The following CDC27 variants were observed in gnomAD, a reference collection of about 807,000 sequenced individuals.
CDC27 encodes the protein cell division cycle 27.
A neutral mutation model predicts 109.7 loss-of-function variants in CDC27; 27 were observed. The ratio of observed to expected loss-of-function variants is 0.25; its 90% CI spans 0.18 to 0.34. The LOEUF (loss-of-function observed/expected upper bound fraction) is 0.34. Among genes scored for constraint, CDC27 ranks in the 10% least tolerant of loss-of-function variants. CDC27 has a pLI of 1.00. For missense variants in CDC27, 579 were observed against 960.2 expected, an observed-to-expected ratio of 0.60 and a Z score of 5.25; for synonymous variants, 266 against 333.9, an observed-to-expected ratio of 0.80 and a Z score of 2.22.
intron 1 of CDC27, among the ~76,000 whole-genome samples, chr17:47,187,339 C>T (rs1267782218): frequency 6.6e-6 from 1 of 151,988 alleles, no homozygotes; most frequent in African/African-American, 2.4e-5. Flanking sequence ...CTCACTCTGT[C>T]GCCCAGGCTG....
At position 47,147,424 on chromosome 17, in the gene CDC27, C is replaced by CA. The variant is rs748165922; in HGVS notation, c.1071-3443dup. 2.6e-3 allele frequency among the ~76,000 whole-genome samples: 251 copies of CA among 96,750 alleles called. No individual in the cohort carries two copies. The Middle Eastern group carries it at 0.027, about 11-fold the overall frequency. The allele number at this position is 96,750 out of a possible 152,430, so 63.5% of individuals were successfully genotyped here. On this transcript the variant is annotated intron_variant, in intron 9 of 18. Coordinates refer to ENST00000066544, the MANE Select transcript of CDC27 (RefSeq NM_001256.6). ...AAAAACAAACAAACAAACAAACAAACAAACAAAAAAAAAAACACTAGGCAT... is the reference window on the plus strand; with the variant it reads ...AAAAACAAACAAACAAACAAACAAACAAAACAAAAAAAAAAACACTAGGCAT...
chr17:47,138,476 C>T (rs1272752530), intron 13 of CDC27, among the ~76,000 whole-genome samples: 1 of 152,144 alleles, frequency 6.6e-6, no homozygotes, highest in African/African-American at 2.4e-5. Flanking sequence ...GAACCCTAAT[C>T]TTGGTGACAA....
chr17:47,138,377 T>C (rs11570540), intron 13 of CDC27, among the ~76,000 whole-genome samples: 3,725 of 152,336 alleles, frequency 0.024, 54 homozygotes, highest in Middle Eastern at 0.075. Context: ...AGCATGTACA[T>C]TAATTGCACC....
intron 16 of CDC27, among the ~76,000 whole-genome samples, chr17:47,125,908 T>C (rs1209066526): frequency 6.6e-6 from 1 of 152,200 alleles, no homozygotes; most frequent in East Asian, 1.9e-4. Context: ...ACACACACAA[T>C]TCAGAATTGA....
At chr17:47,132,457 A>C in intron 14 of CDC27, 83 bp from the exon 15 acceptor site, 1 of 570,600 alleles carries the variant, frequency 1.8e-6, no homozygotes, top group East Asian at 3.2e-5. Flanking sequence ...GAACAAGTAT[A>C]GAATCTGGCA....
chr17:47,182,619 G>A (rs867032658), intron 1 of CDC27, among the ~76,000 whole-genome samples: 6 of 152,104 alleles, frequency 3.9e-5, no homozygotes, highest in East Asian at 1.9e-4. Flanking sequence ...ATTCTGCTAC[G>A]ATTTGCTTTT....
At chr17:47,130,987 A>G (rs527397359) in intron 15 of CDC27, among the ~76,000 whole-genome samples, 2 of 152,250 alleles carry the variant, frequency 1.3e-5, no homozygotes, top group East Asian at 3.9e-4. Context: ...GGTAGTGCCA[A>G]CGTCTGCTTG....
intron 16 of CDC27, 57 bp downstream of exon 16, chr17:47,129,336 G>A: frequency 8.1e-7 from 1 of 1,235,646 alleles, no homozygotes; most frequent in Non-Finnish European, 1.1e-6. Flanking sequence ...TGAAAACAAG[G>A]GATAACGTTG....
chr17:47,159,940 G>A, intron 4 of CDC27: 1 of 355,876 alleles, frequency 2.8e-6, no homozygotes, highest in Non-Finnish European at 5.4e-6. Flanking sequence ...CGTGGCCTCG[G>A]TCCCGGCCCC....
At chr17:47,129,220 A>G (rs910086189) in intron 16 of CDC27, among the ~76,000 whole-genome samples, 173 bp downstream of exon 16, 1 of 152,216 alleles carries the variant, frequency 6.6e-6, no homozygotes, top group Non-Finnish European at 1.5e-5. Context: ...CCACACACCT[A>G]TCCTTCCTAT....
rs781023793 is a variant in CDC27 at position 47,137,343 on chromosome 17, C to T, written c.1722G>A (p.Gly574=). Residue 574 remains glycine, a synonymous_variant, in exon 14 of 19, where the codon GGG becomes GGA. Coordinates refer to ENST00000066544, the MANE Select transcript of CDC27 (RefSeq NM_001256.6). ...GTTCCCGTTGCAGACTGAAACAGTT[C>T]CCTGCAGCACACCAGGCCTTAAAAA... The part of the protein sequence containing the change: ...KNSPEAWCAA[G]NCFSLQREHD... The T allele has an allele frequency of 1.9e-6, 3 of 1,594,152 alleles. No homozygotes were observed. The highest frequency in any genetic ancestry group is 2.6e-6 in the Non-Finnish European group (3 of 1,171,714).
intron 4 of CDC27, among the ~76,000 whole-genome samples, chr17:47,167,879 G>A (rs1430094096): frequency 6.6e-6 from 1 of 152,170 alleles, no homozygotes; most frequent in Non-Finnish European, 1.5e-5. Context: ...TGGGCCTAAG[G>A]AACTTCTGAT....
chr17:47,122,192 C>A (rs1401584554), intron 18 of CDC27, among the ~76,000 whole-genome samples: 1 of 151,688 alleles, frequency 6.6e-6, no homozygotes. Flanking sequence ...CATATTCAAA[C>A]ATAAATTGAG....
chr17:47,177,406 A>G (rs1956817688), intron 2 of CDC27, among the ~76,000 whole-genome samples: 2 of 152,188 alleles, frequency 1.3e-5, no homozygotes, highest in Admixed American at 1.3e-4. Flanking sequence ...GTGAAACTCC[A>G]TCTCTACTAA....
chr17:47,157,926 A>G (rs1007201880), intron 5 of CDC27, among the ~76,000 whole-genome samples: 30 of 152,336 alleles, frequency 2.0e-4, no homozygotes, highest in African/African-American at 6.7e-4. Flanking sequence ...CAATTTTGCT[A>G]GTGTTAAACA....
At chr17:47,132,398 A>G in intron 14 of CDC27, 24 bp from the exon 15 acceptor site, 1 of 1,147,070 alleles carries the variant, frequency 8.7e-7, no homozygotes, top group Non-Finnish European at 1.3e-6. Flanking sequence ...ACAAAGTATA[A>G]TTTTAAAAAT....
At chr17:47,188,787 G>A in intron 1 of CDC27, 2 of 1,148,348 alleles carry the variant, frequency 1.7e-6, no homozygotes, top group South Asian at 2.9e-5. Context: ...TGTGCTTCTC[G>A]ATCATCTTTT....
intron 8 of CDC27, 131 bp from the exon 9 acceptor site, chr17:47,152,049 CTATT>C: frequency 3.4e-6 from 2 of 585,934 alleles, no homozygotes; most frequent in Non-Finnish European, 5.3e-6. Context: ...TAAAGATAAA[CTATT>C]TATATCATAT....
intron 3 of CDC27, among the ~76,000 whole-genome samples, chr17:47,171,658 T>C (rs190362959): frequency 2.4e-4 from 36 of 151,638 alleles, no homozygotes; most frequent in African/African-American, 7.3e-4. Context: ...AACGAAATAT[T>C]TGTGATCATT....
Sources: gnomAD v4.1 joint callset for allele counts (sites outside exome capture counted in the v4.1 genomes callset) on GRCh38, gnomAD v4.1.1 for gene constraint, MANE v1.5 for transcripts, NCBI Gene and HGNC (gene_info 2026-07-23, HGNC 2026-07-21) for gene names.